Variants in UBE3C observed in about 807,000 individuals in gnomAD.
UBE3C encodes the protein ubiquitin protein ligase E3C, also known as ubiquitin-protein ligase E3C.
In UBE3C, 42 loss-of-function variants were observed where a neutral mutation model predicts 129.4. The ratio of observed to expected loss-of-function variants is 0.32; its 90% confidence interval spans 0.25 to 0.42. The LOEUF (loss-of-function observed/expected upper bound fraction) is 0.42. Ranked by LOEUF, UBE3C falls within the 10% of genes least tolerant of loss-of-function variation. The pLI, the probability that UBE3C is intolerant of heterozygous loss-of-function variation, is 1.00. For synonymous variants in UBE3C, 510 were observed against 492.4 expected (o/e 1.04, Z -0.47); for missense variants, 1,049 against 1,319.1 (o/e 0.80, Z 3.17).
intron 1 of UBE3C, among the ~76,000 whole-genome samples, chr7:157,145,222 C>T (rs1025571689): frequency 6.6e-6 from 1 of 151,820 alleles, no homozygotes; most frequent in Non-Finnish European, 1.5e-5. Flanking sequence ...GCCTGGGTGA[C>T]AGAGCATGAC....
chr7:157,260,311 A>G (rs1796866632), intron 22 of UBE3C, among the ~76,000 whole-genome samples: 1 of 152,228 alleles, frequency 6.6e-6, no homozygotes, highest in African/African-American at 2.4e-5. Flanking sequence ...AGGGCCAGGA[A>G]AACGCTGCCG....
intron 10 of UBE3C, chr7:157,189,155 G>C (rs538322692): frequency 2.5e-6 from 1 of 396,108 alleles, no homozygotes; most frequent in Non-Finnish European, 4.5e-6. Flanking sequence ...GTGAACACTC[G>C]TGTCTGAATA....
chr7:157,173,222 A>C (rs1291323284), intron 4 of UBE3C, among the ~76,000 whole-genome samples: 2 of 152,142 alleles, frequency 1.3e-5, no homozygotes, highest in African/African-American at 4.8e-5. Context: ...CAAAGCAAAA[A>C]ATAAATTAGC....
chr7:157,153,860 A>G (rs1807827406), intron 1 of UBE3C, among the ~76,000 whole-genome samples: 1 of 151,886 alleles, frequency 6.6e-6, no homozygotes. Context: ...GCATGGTGGT[A>G]TATGTACCTG....
At chr7:157,182,678 C>T (rs753132941) in intron 8 of UBE3C, among the ~76,000 whole-genome samples, 2 of 151,356 alleles carry the variant, frequency 1.3e-5, no homozygotes, top group Non-Finnish European at 2.9e-5. Flanking sequence ...TGTTTGAAAA[C>T]ATACATACAT....
chr7:157,262,409 CTTTTTTT>C lies in UBE3C; in HGVS notation c.3082-5155_3082-5149del, dbSNP rs371300314. 4.8e-3 allele frequency among the ~76,000 whole-genome samples: 261 copies of C among 54,026 alleles called. 1 individual carries two copies. Among genetic ancestry groups the C allele is most frequent in the African/African-American group, 0.018 (243 of 13,430 alleles). The allele number at this position is 54,026 out of a possible 152,430, so 35.4% of individuals were successfully genotyped here. ...AGAATCATGTAAGTCTCTTCATAGGCTTTTTTTTTTTTTTTTTTTTTTTTTTTGAGAT... is the reference window on the plus strand; with the variant it reads ...AGAATCATGTAAGTCTCTTCATAGGCTTTTTTTTTTTTTTTTTTTTGAGAT... On this transcript the variant is annotated intron_variant, in intron 22 of 22. Coordinates refer to ENST00000348165, the MANE Select transcript of UBE3C (RefSeq NM_014671.3).
At chr7:157,229,877 T>C (rs546039548) in intron 17 of UBE3C, among the ~76,000 whole-genome samples, 2 of 152,214 alleles carry the variant, frequency 1.3e-5, no homozygotes, top group African/African-American at 4.8e-5. Context: ...CTTCCCAAAG[T>C]GCTGGGATTA....
At chr7:157,234,055 G>A (rs772709485) in intron 18 of UBE3C, among the ~76,000 whole-genome samples, 2 of 152,162 alleles carry the variant, frequency 1.3e-5, no homozygotes, top group Admixed American at 6.5e-5. Flanking sequence ...TCCCTGCAAT[G>A]CAATGAATTA....
intron 16 of UBE3C, among the ~76,000 whole-genome samples, chr7:157,224,392 C>T (rs1325978493): frequency 5.3e-5 from 8 of 151,888 alleles, no homozygotes; most frequent in Non-Finnish European, 7.4e-5. Flanking sequence ...GACGGGGTTT[C>T]GCCGTGTTAG....
chr7:157,201,924 A>G, intron 11 of UBE3C, 117 bp downstream of exon 11: 1 of 798,834 alleles, frequency 1.3e-6, no homozygotes, highest in East Asian at 2.7e-5. Context: ...ATTTCATATT[A>G]GAAGGTAAGT....
At chr7:157,201,001 T>C (rs1299265102) in intron 10 of UBE3C, among the ~76,000 whole-genome samples, 3 of 152,136 alleles carry the variant, frequency 2.0e-5, no homozygotes, top group African/African-American at 7.2e-5. Flanking sequence ...GTGACTTGAG[T>C]CCGTCACTAA....
intron 22 of UBE3C, among the ~76,000 whole-genome samples, chr7:157,261,786 C>A (rs541952567): frequency 6.6e-6 from 1 of 152,262 alleles, no homozygotes; most frequent in Non-Finnish European, 1.5e-5. Flanking sequence ...GTGATTGTTA[C>A]AGACAAAAAA....
rs1003720929 is a variant in UBE3C, at chr7:157,174,980, C to G, written c.404C>G (p.Ser135Cys). 1 of 1,612,916 alleles carries G rather than the reference C, an allele frequency of 6.2e-7. No homozygotes were observed. Among genetic ancestry groups the G allele is most frequent in the African/African-American group, 1.3e-5 (1 of 74,862 alleles). Residue 135 changes from serine to cysteine, a missense_variant, in exon 5 of 23, where the codon TCT becomes TGT. Coordinates refer to ENST00000348165, the MANE Select transcript of UBE3C (RefSeq NM_014671.3). ...SSLFVKQLDG[S>C]ERLTCLFQIK... Reference sequence around the variant, plus strand: ...CTGTTTGTCAAGCAGTTGGATGGATCTGAGAGACTTACATGCTTATTTCAG... The same window carrying G: ...CTGTTTGTCAAGCAGTTGGATGGATGTGAGAGACTTACATGCTTATTTCAG...
intron 16 of UBE3C, among the ~76,000 whole-genome samples, 170 bp downstream of exon 16, chr7:157,223,521 A>T (rs950452358): frequency 2.0e-5 from 3 of 152,052 alleles, no homozygotes; most frequent in Non-Finnish European, 4.4e-5. Flanking sequence ...CCAACCAGAT[A>T]CCTCTTTTTA....
chr7:157,195,713 AGT>A (rs1171440657), intron 10 of UBE3C, among the ~76,000 whole-genome samples: 14 of 152,316 alleles, frequency 9.2e-5, no homozygotes, highest in Admixed American at 9.2e-4. Context: ...AGATGGCTTT[AGT>A]GTGAGATTTG....
intron 18 of UBE3C, among the ~76,000 whole-genome samples, chr7:157,247,796 T>A (rs978584506): frequency 2.0e-5 from 3 of 152,230 alleles, no homozygotes; most frequent in African/African-American, 7.2e-5. Context: ...TGTCCATGGC[T>A]GCTTTTGTGC....
chr7:157,199,820 G>C (rs999922051), intron 10 of UBE3C, among the ~76,000 whole-genome samples: 1 of 152,270 alleles, frequency 6.6e-6, no homozygotes, highest in African/African-American at 2.4e-5. Flanking sequence ...ATTAATGACA[G>C]ACAGCATACT....
At chr7:157,225,772 GACCCTGCCTCA>G (rs1795858921) in intron 17 of UBE3C, among the ~76,000 whole-genome samples, 1 of 152,136 alleles carries the variant, frequency 6.6e-6, no homozygotes, top group Non-Finnish European at 1.5e-5. Flanking sequence ...AACATACTGA[GACCCTGCCTCA>G]ACAACAAAAA....
chr7:157,204,588 G>A (rs1321606190), intron 11 of UBE3C, among the ~76,000 whole-genome samples: 2 of 151,928 alleles, frequency 1.3e-5, no homozygotes, highest in Non-Finnish European at 2.9e-5. Flanking sequence ...GATGGATAGT[G>A]AATTTTGACA....
Sources: allele counts gnomAD v4.1 joint callset (sites outside exome capture counted in the v4.1 genomes callset), GRCh38; gene constraint gnomAD v4.1.1; transcripts MANE v1.5; gene names NCBI Gene and HGNC (gene_info 2026-07-23, HGNC 2026-07-21).